SIMC1: variants seen among roughly 807,000 people sequenced by gnomAD.
The protein encoded by SIMC1 is SUMO-interacting motif-containing protein 1.
SIMC1 carries 55 observed loss-of-function variants against 82.3 expected under a neutral mutation model. The observed-to-expected ratio is 0.67, with a 90% CI of 0.54 to 0.84. The LOEUF is 0.84. SIMC1 is among the 40% of genes least tolerant of loss of function. SIMC1 has a pLI of 0.00. For synonymous variants in SIMC1, 353 were observed against 426.3 expected (o/e 0.83, Z 2.12); for missense variants, 915 against 1,107.2 (o/e 0.83, Z 2.46).
intron 7 of SIMC1, among the ~76,000 whole-genome samples, chr5:176,325,101 T>G (rs561899262): frequency 2.5e-4 from 38 of 152,276 alleles, no homozygotes; most frequent in South Asian, 1.4e-3. Context: ...CTGTTAAGGG[T>G]GGGTGCAGTG....
chr5:176,306,162 G>A (rs1764367693), intron 4 of SIMC1, among the ~76,000 whole-genome samples: 1 of 61,936 alleles, frequency 1.6e-5, no homozygotes, highest in African/African-American at 6.0e-5. Flanking sequence ...GGAGGGAGGT[G>A]GGGGCGTCAG....
At chr5:176,305,685 C>G (rs1764315177) in intron 4 of SIMC1, among the ~76,000 whole-genome samples, 2 of 111,516 alleles carry the variant, frequency 1.8e-5, no homozygotes, top group Non-Finnish European at 3.8e-5. Flanking sequence ...GCCCGGCCAG[C>G]CGCCCCGTCC....
chr5:176,244,669 C>T (rs1353397033), intron 1 of SIMC1, among the ~76,000 whole-genome samples: 6 of 150,556 alleles, frequency 4.0e-5, no homozygotes, highest in Non-Finnish European at 7.4e-5. Context: ...CTATGCTTGT[C>T]CTTTGCCCAT....
At chr5:176,272,854 G>A (rs751454856) in intron 1 of SIMC1, among the ~76,000 whole-genome samples, 1 of 152,244 alleles carries the variant, frequency 6.6e-6, no homozygotes, top group Non-Finnish European at 1.5e-5. Flanking sequence ...AGCAGTCTGA[G>A]ATTGAACTGC....
chr5:176,326,737 G>A (rs1581318728), intron 7 of SIMC1, among the ~76,000 whole-genome samples: 1 of 152,102 alleles, frequency 6.6e-6, no homozygotes, highest in Middle Eastern at 3.4e-3. Context: ...GCTAATTTGT[G>A]TATTTTTAGT....
At chr5:176,277,408 C>T (rs1762760872) in intron 1 of SIMC1, among the ~76,000 whole-genome samples, 1 of 151,780 alleles carries the variant, frequency 6.6e-6, no homozygotes, top group Non-Finnish European at 1.5e-5. Context: ...TGCCTGTTCA[C>T]TCTGATGGTA....
chr5:176,325,778 T>C (rs1289193011), intron 7 of SIMC1, among the ~76,000 whole-genome samples: 1 of 152,152 alleles, frequency 6.6e-6, no homozygotes, highest in East Asian at 1.9e-4. Flanking sequence ...CTCTTATCTT[T>C]ATCCATAGGC....
chr5:176,322,434 C>A lies in SIMC1; in HGVS notation c.2042+9C>A, dbSNP rs200994563. On this transcript the variant is annotated intron_variant, in intron 6 of 9. Coordinates refer to ENST00000429602, the MANE Select transcript of SIMC1 (RefSeq NM_001308195.2). ...AAGAACACCAATCAGCTGTAAGGGG[C>A]AGGCAGTTCTCTTTCCTGGGGCTCT... is the stretch of plus-strand genomic sequence containing the variant. 1.9e-6 allele frequency: 3 copies of A among 1,605,326 alleles called. No individual in the cohort carries two copies. Among genetic ancestry groups the A allele is most frequent in the Non-Finnish European group, 2.6e-6 (3 of 1,175,912 alleles).
At chr5:176,243,350 A>G (rs904414320) in intron 1 of SIMC1, among the ~76,000 whole-genome samples, 2 of 152,224 alleles carry the variant, frequency 1.3e-5, no homozygotes, top group African/African-American at 4.8e-5. Flanking sequence ...GGAAGAATGG[A>G]AAGCCAGTGA....
At chr5:176,297,521 A>AC (rs751304274) in intron 4 of SIMC1, among the ~76,000 whole-genome samples, 1 of 151,626 alleles carries the variant, frequency 6.6e-6, no homozygotes, top group Non-Finnish European at 1.5e-5. Context: ...AAAAAAAAAA[A>AC]AAAAAACGTT....
At chr5:176,284,051 CTT>C (rs921220316) in intron 1 of SIMC1, among the ~76,000 whole-genome samples, 1 of 152,184 alleles carries the variant, frequency 6.6e-6, no homozygotes, top group Non-Finnish European at 1.5e-5. Flanking sequence ...TGCAAAGAGA[CTT>C]AGACTCCCAC....
At chr5:176,307,821 G>A (rs1372189377) in intron 4 of SIMC1, among the ~76,000 whole-genome samples, 1 of 152,142 alleles carries the variant, frequency 6.6e-6, no homozygotes, top group Non-Finnish European at 1.5e-5. Context: ...AGGCACTCTG[G>A]AAAATGGTTT....
intron 1 of SIMC1, among the ~76,000 whole-genome samples, chr5:176,269,604 C>T (rs1294650078): frequency 6.6e-6 from 1 of 152,198 alleles, no homozygotes; most frequent in Non-Finnish European, 1.5e-5. Flanking sequence ...TTAAGAAAGA[C>T]ATAGTACCAT....
At chr5:176,280,249 G>C (rs1762927314) in intron 1 of SIMC1, among the ~76,000 whole-genome samples, 1 of 152,020 alleles carries the variant, frequency 6.6e-6, no homozygotes, top group South Asian at 2.1e-4. Flanking sequence ...TGTCTCTTTT[G>C]ATCTTTGTTG....
chr5:176,271,885 A>G (rs1762442747), intron 1 of SIMC1, among the ~76,000 whole-genome samples: 1 of 138,566 alleles, frequency 7.2e-6, no homozygotes, highest in Non-Finnish European at 1.5e-5. Flanking sequence ...TAATTATTAT[A>G]TATATAATTA....
At chr5:176,251,185 C>A (rs2113119121) in intron 1 of SIMC1, among the ~76,000 whole-genome samples, 1 of 152,230 alleles carries the variant, frequency 6.6e-6, no homozygotes, top group East Asian at 1.9e-4. Flanking sequence ...CATGGTGAAA[C>A]CCTGTCTCTA....
At chr5:176,273,918 G>C (rs1762562545) in intron 1 of SIMC1, among the ~76,000 whole-genome samples, 1 of 151,672 alleles carries the variant, frequency 6.6e-6, no homozygotes, top group South Asian at 2.1e-4. Flanking sequence ...TGGACATTTG[G>C]GTTGGTTCCA....
chr5:176,342,182 C>T (rs960041450), intron 9 of SIMC1, among the ~76,000 whole-genome samples: 1 of 152,182 alleles, frequency 6.6e-6, no homozygotes, highest in South Asian at 2.1e-4. Context: ...GTGGCACATG[C>T]CTTAAGAAAA....
At chr5:176,300,758 AAG>A (rs1157536737) in intron 4 of SIMC1, among the ~76,000 whole-genome samples, 6 of 152,200 alleles carry the variant, frequency 3.9e-5, no homozygotes, top group Non-Finnish European at 7.3e-5. Context: ...TCTGAAATGA[AAG>A]AGGGGGCATT....
Sources: gnomAD v4.1 joint callset for allele counts (sites outside exome capture counted in the v4.1 genomes callset) on GRCh38, gnomAD v4.1.1 for gene constraint, MANE v1.5 for transcripts, NCBI Gene and HGNC (gene_info 2026-07-23, HGNC 2026-07-21) for gene names.